Variants in GRK5 observed in about 807,000 individuals in gnomAD.
The protein encoded by GRK5 is G protein-coupled receptor kinase 5.
A neutral mutation model predicts 78.4 loss-of-function variants in GRK5; 40 were observed. That is an observed-to-expected ratio of 0.51 (90% CI 0.40 to 0.66). The LOEUF (loss-of-function observed/expected upper bound fraction) is 0.66, where lower values mean the gene tolerates loss of function less well. Ranked by LOEUF, GRK5 falls within the 30% of genes least tolerant of loss-of-function variation. The pLI, the probability that GRK5 is intolerant of heterozygous loss-of-function variation, is 0.00. For synonymous variants in GRK5, 289 were observed against 296.8 expected, an observed-to-expected ratio of 0.97 and a Z score of 0.27; for missense variants, 598 against 759.9, an observed-to-expected ratio of 0.79 and a Z score of 2.50.
intron 1 of GRK5, among the ~76,000 whole-genome samples, chr10:119,223,718 T>C (rs1463057187): frequency 1.3e-5 from 2 of 148,234 alleles, no homozygotes; most frequent in Non-Finnish European, 3.0e-5. Flanking sequence ...ATATATATAT[T>C]ATATATATCT....
At chr10:119,436,226 C>A (rs1310075041) in intron 8 of GRK5, among the ~76,000 whole-genome samples, 1 of 152,254 alleles carries the variant, frequency 6.6e-6, no homozygotes, top group Non-Finnish European at 1.5e-5. Context: ...GCCCCACTGC[C>A]CCTCCAGCTC....
intron 1 of GRK5, among the ~76,000 whole-genome samples, chr10:119,309,314 C>T (rs1850323957): frequency 6.6e-6 from 1 of 152,220 alleles, no homozygotes; most frequent in Non-Finnish European, 1.5e-5. Context: ...GTGCCAAGCA[C>T]CAAGTAGGTC....
At chr10:119,367,352 TC>T (rs776194456) in intron 2 of GRK5, among the ~76,000 whole-genome samples, 1 of 152,156 alleles carries the variant, frequency 6.6e-6, no homozygotes, top group Non-Finnish European at 1.5e-5. Flanking sequence ...ACCCATCTCT[TC>T]CTCCTTCAGG....
chr10:119,283,653 C>G (rs1427398691), intron 1 of GRK5, among the ~76,000 whole-genome samples: 1 of 152,204 alleles, frequency 6.6e-6, no homozygotes, highest in African/African-American at 2.4e-5. Context: ...CCTCTGGGAA[C>G]ATTGCCTTCT....
intron 1 of GRK5, among the ~76,000 whole-genome samples, chr10:119,229,101 T>C (rs954247892): frequency 6.6e-6 from 1 of 152,142 alleles, no homozygotes; most frequent in African/African-American, 2.4e-5. Context: ...GAATTTGATT[T>C]TTCGGAAAAT....
intron 2 of GRK5, among the ~76,000 whole-genome samples, chr10:119,350,222 C>T (rs967477154): frequency 1.3e-5 from 2 of 152,210 alleles, no homozygotes; most frequent in Non-Finnish European, 2.9e-5. Context: ...CATGTGGGTC[C>T]TGGAGTCTCT....
chr10:119,257,196 A>G (rs77380937), intron 1 of GRK5, among the ~76,000 whole-genome samples: 3,234 of 152,026 alleles, frequency 0.021, 58 homozygotes, highest in Admixed American at 0.055. Context: ...TTCTTTGGGG[A>G]GTGTTCTTAT....
chr10:119,439,924 G>A (rs545204729), intron 10 of GRK5, among the ~76,000 whole-genome samples, 156 bp downstream of exon 10: 6 of 152,316 alleles, frequency 3.9e-5, no homozygotes, highest in Admixed American at 2.6e-4. Context: ...AAAGCTGTGA[G>A]TGTGAACAGA....
rs1200966148 is a variant in GRK5, at chr10:119,431,061, G to A, written c.598-326G>A. Among the ~76,000 whole-genome samples, 1 of 152,208 alleles carries A rather than the reference G, an allele frequency of 6.6e-6. No individual in the cohort carries two copies. The highest frequency in any genetic ancestry group is 1.5e-5 in the Non-Finnish European group (1 of 68,030). Reference sequence around the variant, plus strand: ...AAACTTCTCTACCGGCAGCCGGTAGGAGAAAATCCTGTTGCCCTGGGAATG... The same window carrying A: ...AAACTTCTCTACCGGCAGCCGGTAGAAGAAAATCCTGTTGCCCTGGGAATG... On this transcript the variant is annotated intron_variant, in intron 7 of 15. Transcript: ENST00000392870. This position sits in a 1 kb window ranked among gnomAD's most constrained non-coding sequence, Gnocchi z 4.8.
chr10:119,227,143 A>T (rs933445535), intron 1 of GRK5, among the ~76,000 whole-genome samples: 3 of 152,194 alleles, frequency 2.0e-5, no homozygotes, highest in African/African-American at 7.2e-5. Context: ...GGTATGAGCC[A>T]CCACTACTGG....
rs180829362 is a variant in GRK5 at position 119,215,170 on chromosome 10, C to T, written c.52+7201C>T. 1.8e-4 allele frequency among the ~76,000 whole-genome samples: 28 copies of T among 152,308 alleles called. No homozygotes were observed. In the East Asian group the frequency reaches 4.2e-3, roughly 23 times the overall value. On this transcript the variant is annotated intron_variant, in intron 1 of 15. Transcript: ENST00000392870. Reference sequence around the variant, plus strand: ...CACTAGCTGTATGTTGTTATTTATACTTAAATTAATTAAAGTTAGGAATTA... The same window carrying T: ...CACTAGCTGTATGTTGTTATTTATATTTAAATTAATTAAAGTTAGGAATTA...
intron 1 of GRK5, among the ~76,000 whole-genome samples, chr10:119,247,098 G>A (rs542018209): frequency 7.0e-4 from 106 of 152,302 alleles, no homozygotes; most frequent in African/African-American, 2.4e-3. Flanking sequence ...CCTGGAGCTC[G>A]GCATCTGAGT....
chr10:119,363,292 A>C (rs55931609), intron 2 of GRK5, among the ~76,000 whole-genome samples: 9,994 of 151,798 alleles, frequency 0.066, 688 homozygotes, highest in African/African-American at 0.17. Flanking sequence ...AAAAAAAAAA[A>C]AACAACAAAC....
At chr10:119,222,595 C>A (rs1035658299) in intron 1 of GRK5, among the ~76,000 whole-genome samples, 2 of 152,150 alleles carry the variant, frequency 1.3e-5, no homozygotes, top group African/African-American at 4.8e-5. Context: ...AAATCAGTGG[C>A]CCCTCCTCCT....
At position 119,431,048 on chromosome 10, in the gene GRK5, C is replaced by T. The variant is rs368064021; in HGVS notation, c.598-339C>T. 5.9e-5 allele frequency among the ~76,000 whole-genome samples: 9 copies of T among 152,166 alleles called. No homozygotes were observed. The highest frequency in any genetic ancestry group is 5.9e-5 in the Non-Finnish European group (4 of 68,022). On this transcript the variant is annotated intron_variant, in intron 7 of 15. Transcript: ENST00000392870. This position sits in a 1 kb window ranked among gnomAD's most constrained non-coding sequence, Gnocchi z 4.8. ...TGCCTCCCAAAACAAACTTCTCTAC[C>T]GGCAGCCGGTAGGAGAAAATCCTGT...
intron 1 of GRK5, among the ~76,000 whole-genome samples, chr10:119,249,648 C>T (rs1849169490): frequency 1.3e-5 from 2 of 152,138 alleles, no homozygotes; most frequent in Admixed American, 1.3e-4. Flanking sequence ...CAGGTGCGCT[C>T]CACCATGCCC....
chr10:119,291,144 G>A (rs1259082808), intron 1 of GRK5, among the ~76,000 whole-genome samples: 1 of 152,154 alleles, frequency 6.6e-6, no homozygotes, highest in Non-Finnish European at 1.5e-5. Flanking sequence ...CAGCCGCAGG[G>A]TATGGGGTGA....
chr10:119,414,420 C>A (rs1852405669), intron 4 of GRK5, among the ~76,000 whole-genome samples: 1 of 152,180 alleles, frequency 6.6e-6, no homozygotes, highest in South Asian at 2.1e-4. Flanking sequence ...CAGCACTATA[C>A]AAACACCATT....
At chr10:119,224,299 A>G (rs1365462375) in intron 1 of GRK5, among the ~76,000 whole-genome samples, 1 of 152,220 alleles carries the variant, frequency 6.6e-6, no homozygotes, top group African/African-American at 2.4e-5. Context: ...AGCAGGTGGG[A>G]ATGATGTTGT....
Sources: gnomAD v4.1 joint callset for allele counts (sites outside exome capture counted in the v4.1 genomes callset) on GRCh38, gnomAD v4.1.1 for gene constraint, Gnocchi (gnomAD v3.1) non-coding constraint, MANE v1.5 for transcripts, NCBI Gene and HGNC (gene_info 2026-07-23, HGNC 2026-07-21) for gene names.